The following SMO variants were observed in gnomAD, a reference collection of about 807,000 sequenced individuals.
SMO encodes protein smoothened.
A neutral mutation model predicts 81.6 loss-of-function variants in SMO; 40 were observed. That is an observed-to-expected ratio of 0.49 (90% CI 0.38 to 0.64). The LOEUF (loss-of-function observed/expected upper bound fraction) is 0.64. Among genes scored for constraint, SMO ranks in the 30% least tolerant of loss-of-function variants. SMO has a pLI of 0.00. For synonymous variants in SMO, 434 were observed against 432.1 expected (o/e 1.00, Z -0.05); for missense variants, 916 against 1,061.1 (o/e 0.86, Z 1.90).
intron 1 of SMO, among the ~76,000 whole-genome samples, chr7:129,194,604 C>T (rs1365987023): frequency 6.6e-6 from 1 of 152,042 alleles, no homozygotes; most frequent in African/African-American, 2.4e-5. Flanking sequence ...TATGGTTTTA[C>T]CTCCTAGTTT....
chr7:129,191,443 A>G (rs1047166301), intron 1 of SMO, among the ~76,000 whole-genome samples: 1 of 152,168 alleles, frequency 6.6e-6, no homozygotes, highest in African/African-American at 2.4e-5. Flanking sequence ...CCATTAGTTC[A>G]CTATGAGTTC....
At chr7:129,209,661 A>G in intron 8 of SMO, 1 of 432,884 alleles carries the variant, frequency 2.3e-6, no homozygotes, top group Non-Finnish European at 4.2e-6. Flanking sequence ...TTAAGCAGCC[A>G]GTTCAGCTTC....
chr7:129,189,367 G>A lies in SMO; in HGVS notation c.216G>A (p.Pro72=), dbSNP rs1472882491. Residue 72 remains proline (P), a synonymous_variant, in exon 1 of 12, where the codon CCG becomes CCA. Coordinates refer to ENST00000249373, the MANE Select transcript of SMO (RefSeq NM_005631.5). This position sits in a 1 kb window ranked among gnomAD's most constrained non-coding sequence, Gnocchi z 4.7. ...SHCGRAAPCE[P]LRYNVCLGSV... is the part of the protein sequence containing the mutation. ...GCGGCCGGGCTGCCCCCTGCGAGCC[G>A]CTGCGCTACAACGTGTGCCTGGGCT... The A allele has an allele frequency of 1.3e-6, 2 of 1,531,092 alleles. No homozygotes were observed. The highest frequency in any genetic ancestry group is 1.7e-6 in the Non-Finnish European group (2 of 1,144,654). The allele number at this position is 1,531,092 out of a possible 1,614,324, so 94.8% of individuals were successfully genotyped here.
intron 1 of SMO, among the ~76,000 whole-genome samples, chr7:129,194,436 T>C (rs370872899): frequency 1.8e-4 from 27 of 152,282 alleles, no homozygotes; most frequent in Middle Eastern, 6.8e-3. Flanking sequence ...GAAAACTGCA[T>C]AAAACACAAA....
intron 7 of SMO, 33 bp from the exon 8 acceptor site, chr7:129,209,256 G>C (rs374327277): frequency 3.0e-4 from 397 of 1,303,196 alleles, no homozygotes; most frequent in Admixed American, 6.1e-4. Flanking sequence ...GACTGGGCTT[G>C]GTAACGTCCT....
chr7:129,196,444 T>C (rs73230582), intron 1 of SMO, among the ~76,000 whole-genome samples: 8,490 of 151,872 alleles, frequency 0.056, 260 homozygotes, highest in Non-Finnish European at 0.066. Context: ...CCTCCCAAAA[T>C]GCTCCTTTGT....
intron 2 of SMO, among the ~76,000 whole-genome samples, 156 bp downstream of exon 2, chr7:129,203,745 G>T (rs1383029119): frequency 1.3e-5 from 2 of 152,190 alleles, no homozygotes; most frequent in African/African-American, 4.8e-5. Flanking sequence ...TCAAACTGCA[G>T]CTCACTGGCT....
rs1054680717 is a variant in SMO at position 129,189,833 on chromosome 7, G to A, written c.331+351G>A. 6.6e-6 allele frequency among the ~76,000 whole-genome samples: 1 copy of A among 151,448 alleles called. No homozygotes were observed. The highest frequency in any genetic ancestry group is 2.5e-5 in the African/African-American group (1 of 40,796). ...CCACCTATTCTGGAAGCAGGGTGCC[G>A]GGGGATTCAAGGAGGTGTTGAAGAC... On this transcript the variant is annotated intron_variant, in intron 1 of 11. Coordinates refer to ENST00000249373, the MANE Select transcript of SMO (RefSeq NM_005631.5). This position sits in a 1 kb window ranked among gnomAD's most constrained non-coding sequence, Gnocchi z 4.7.
In SMO at chr7:129,206,128, G is replaced by C. The variant is rs2150649759; in HGVS notation, c.921-22G>C. ...GGAGTACAGAGTGACCGCCTCAAGT[G>C]ACACCTCACCTCTCTGCACAGCTCC... is the stretch of plus-strand genomic sequence containing the variant. On this transcript the variant is annotated intron_variant, in intron 4 of 11. Transcript: ENST00000249373. This position sits in a 1 kb window ranked among gnomAD's most constrained non-coding sequence, Gnocchi z 4.4. 6.4e-7 allele frequency: 1 copy of C among 1,554,612 alleles called. No homozygotes were observed.
At position 129,189,507 on chromosome 7, in the gene SMO, G is replaced by A; in HGVS notation, c.331+25G>A. The stretch of plus-strand genomic sequence containing the variant: ...GGTAAGTGCGGCGGAGCCGGGTCTG[G>A]GGGGCGGGAGGTGCCGCGGTAAGAT... On this transcript the variant is annotated intron_variant, in intron 1 of 11. Coordinates refer to ENST00000249373, the MANE Select transcript of SMO (RefSeq NM_005631.5). This position sits in a 1 kb window ranked among gnomAD's most constrained non-coding sequence, Gnocchi z 4.7. 2.0e-6 allele frequency: 3 copies of A among 1,534,202 alleles called. No individual in the cohort carries two copies. The highest frequency in any genetic ancestry group is 2.6e-6 in the Non-Finnish European group (3 of 1,146,294).
chr7:129,197,631 G>C (rs1376418672), intron 1 of SMO, among the ~76,000 whole-genome samples: 1 of 152,042 alleles, frequency 6.6e-6, no homozygotes, highest in Non-Finnish European at 1.5e-5. Context: ...GTTTCACCGT[G>C]TTAGCCAGGT....
chr7:129,197,479 G>A (rs1200668570), intron 1 of SMO, among the ~76,000 whole-genome samples: 1 of 152,130 alleles, frequency 6.6e-6, no homozygotes, highest in South Asian at 2.1e-4. Flanking sequence ...CGAGGCTGGA[G>A]TGCAGTGATG....
Position 129,189,091 on chromosome 7 carries a change from C to CG in SMO, c.-55dup, listed in dbSNP as rs1241307745. On this transcript the variant is annotated 5_prime_UTR_variant, in exon 1 of 12. Coordinates refer to ENST00000249373, the MANE Select transcript of SMO (RefSeq NM_005631.5). This position sits in a 1 kb window ranked among gnomAD's most constrained non-coding sequence, Gnocchi z 4.7. ...CGGCCGCCGAGGTCGTGCGTGTGGC[C>CG]GGGGGGCTCCGAGGAGCAGGCGGGG... The CG allele has an allele frequency of 3.3e-6, 4 of 1,198,492 alleles. No individual in the cohort carries two copies. Among genetic ancestry groups the CG allele is most frequent in the Non-Finnish European group, 4.2e-6 (4 of 963,714 alleles). The allele number at this position is 1,198,492 out of a possible 1,614,324, so 74.2% of individuals were successfully genotyped here.
chr7:129,194,033 G>T (rs1793529425), intron 1 of SMO, among the ~76,000 whole-genome samples: 1 of 150,980 alleles, frequency 6.6e-6, no homozygotes, highest in African/African-American at 2.4e-5. Flanking sequence ...CCAAGAGGTT[G>T]AGGCTGCAGT....
In SMO at chr7:129,212,109, G is replaced by A. The variant is rs1289445585; in HGVS notation, c.2022G>A (p.Lys674=). 2 of 1,571,182 alleles carry A rather than the reference G, an allele frequency of 1.3e-6. No homozygotes were observed. Among genetic ancestry groups the A allele is most frequent in the Non-Finnish European group, 1.7e-6 (2 of 1,160,022 alleles). Residue 674 remains lysine (K), a synonymous_variant, in exon 12 of 12, where the codon AAG becomes AAA. Transcript: ENST00000249373. The surrounding 1 kb of genome is among the most constrained non-coding windows in gnomAD (Gnocchi z 5.0). The stretch of plus-strand genomic sequence containing the variant: ...AGAAGCGCCTGGGCCGGAAGAAGAA[G>A]AGGAGGAAGAGGAAGAAGGAGGTGT... The part of the protein sequence containing the change: ...ELQKRLGRKK[K]RRKRKKEVCP...
rs1332661231 is a variant in SMO at position 129,203,427 on chromosome 7, G to A, written c.375G>A (p.Leu125=). The A allele has an allele frequency of 1.9e-6, 3 of 1,560,566 alleles. No homozygotes were observed. The highest frequency in any genetic ancestry group is 2.6e-6 in the Non-Finnish European group (3 of 1,151,908). ...APRCWAVIQP[L]LCAVYMPKCE... is the part of the protein sequence containing the mutation. ...GCTGCTGGGCAGTGATCCAGCCCCT[G>A]CTGTGTGCCGTATACATGCCCAAGT... Residue 125 remains leucine (L), a synonymous_variant, in exon 2 of 12, where the codon CTG becomes CTA. Coordinates refer to ENST00000249373, the MANE Select transcript of SMO (RefSeq NM_005631.5).
In SMO at chr7:129,208,234, C is replaced by T. The variant is rs919294057; in HGVS notation, c.1265-525C>T. 2.6e-5 allele frequency among the ~76,000 whole-genome samples: 4 copies of T among 152,122 alleles called. No homozygotes were observed. Among genetic ancestry groups the T allele is most frequent in the African/African-American group, 9.6e-5 (4 of 41,490 alleles). ...TTGGGAGGCCGAGGTGGGCAGATCACCTGAGTTCAGGAGTTCAAGACCATC... is the reference window on the plus strand; with the variant it reads ...TTGGGAGGCCGAGGTGGGCAGATCATCTGAGTTCAGGAGTTCAAGACCATC... On this transcript the variant is annotated intron_variant, in intron 6 of 11. Coordinates refer to ENST00000249373, the MANE Select transcript of SMO (RefSeq NM_005631.5). The surrounding 1 kb of genome is among the most constrained non-coding windows in gnomAD (Gnocchi z 5.2).
Position 129,211,592 on chromosome 7 carries a change from G to T in SMO, c.1802-44G>T, listed in dbSNP as rs1003295289. On this transcript the variant is annotated intron_variant, in intron 10 of 11. Coordinates refer to ENST00000249373, the MANE Select transcript of SMO (RefSeq NM_005631.5). The surrounding 1 kb of genome is among the most constrained non-coding windows in gnomAD (Gnocchi z 4.6). ...CTATGGGAGGCACTGCCAGGGACCGGGAAGTCACTATTCCTTCTCCTTTCC... is the reference window on the plus strand; with the variant it reads ...CTATGGGAGGCACTGCCAGGGACCGTGAAGTCACTATTCCTTCTCCTTTCC... 6.2e-7 allele frequency: 1 copy of T among 1,603,108 alleles called. No homozygotes were observed. Among genetic ancestry groups the T allele is most frequent in the Non-Finnish European group, 8.5e-7 (1 of 1,175,018 alleles).
At chr7:129,209,876 G>C (rs1324777439) in intron 8 of SMO, 1 of 179,962 alleles carries the variant, frequency 5.6e-6, no homozygotes, top group East Asian at 1.4e-4. Context: ...GAGAAGCGCA[G>C]TACCCACTGT....
Sources: gnomAD v4.1 joint callset for allele counts (sites outside exome capture counted in the v4.1 genomes callset) on GRCh38, gnomAD v4.1.1 for gene constraint, Gnocchi (gnomAD v3.1) non-coding constraint, MANE v1.5 for transcripts, NCBI Gene and HGNC (gene_info 2026-07-23, HGNC 2026-07-21) for gene names.